NRXN3: variants seen among roughly 807,000 people sequenced by gnomAD.
NRXN3 encodes neurexin 3.
Under a neutral mutation model 137.6 loss-of-function variants are expected in NRXN3, and 32 were observed. That is an observed-to-expected ratio of 0.23 (90% CI 0.18 to 0.31). The LOEUF is 0.31. NRXN3 is among the 10% of genes least tolerant of loss of function. The probability of loss-of-function intolerance (pLI) is 1.00; values close to 1 mark genes in which losing one functional copy is unlikely to be tolerated. For synonymous variants in NRXN3, 798 were observed against 784.5 expected (o/e 1.02, Z -0.29); for missense variants, 1,574 against 2,062.5 (o/e 0.76, Z 4.59).
At chr14:78,846,804 C>T (rs568268250) in intron 10 of NRXN3, among the ~76,000 whole-genome samples, 18 of 152,208 alleles carry the variant, frequency 1.2e-4, no homozygotes, top group African/African-American at 4.1e-4. Context: ...TGTGGTTTGC[C>T]TTCCCACTGC....
chr14:79,677,676 TAGGTCTATAA>T (rs1157447545), intron 17 of NRXN3, among the ~76,000 whole-genome samples: 1 of 152,168 alleles, frequency 6.6e-6, no homozygotes, highest in Non-Finnish European at 1.5e-5. Context: ...GAGCTACAAG[TAGGTCTATAA>T]AGGGAATTTT....
intron 15 of NRXN3, among the ~76,000 whole-genome samples, chr14:79,168,496 T>C (rs1486567265): frequency 1.3e-5 from 2 of 152,086 alleles, no homozygotes; most frequent in Admixed American, 6.6e-5. Context: ...AAAATTATGA[T>C]AATTATATGA....
At chr14:79,503,939 A>G (rs1344693434) in intron 16 of NRXN3, among the ~76,000 whole-genome samples, 1 of 152,074 alleles carries the variant, frequency 6.6e-6, no homozygotes, top group Non-Finnish European at 1.5e-5. Flanking sequence ...TTGGCATGTA[A>G]TTTCTCCATT....
intron 1 of NRXN3, among the ~76,000 whole-genome samples, chr14:78,214,995 G>T (rs998314560): frequency 1.3e-5 from 2 of 152,210 alleles, no homozygotes; most frequent in Admixed American, 6.5e-5. Flanking sequence ...TAAAATGGGG[G>T]TGGTCATGTG....
intron 4 of NRXN3, among the ~76,000 whole-genome samples, chr14:78,586,771 T>C (rs2097067480): frequency 6.6e-6 from 1 of 152,246 alleles, no homozygotes; most frequent in South Asian, 2.1e-4. Flanking sequence ...TGCTTTTTAC[T>C]TCCTATCTTT....
chr14:78,710,713 G>A (rs917966211), intron 7 of NRXN3, among the ~76,000 whole-genome samples: 1 of 152,218 alleles, frequency 6.6e-6, no homozygotes, highest in Non-Finnish European at 1.5e-5. Context: ...GGGAGTGACT[G>A]AGCTTTGGTG....
chr14:79,028,730 G>A (rs1436049821), intron 15 of NRXN3, among the ~76,000 whole-genome samples: 1 of 152,082 alleles, frequency 6.6e-6, no homozygotes, highest in East Asian at 1.9e-4. Flanking sequence ...CAGGGAAGGG[G>A]GAAGTCATTG....
chr14:78,934,243 C>T (rs77472926), intron 10 of NRXN3, among the ~76,000 whole-genome samples: 3,373 of 151,476 alleles, frequency 0.022, 49 homozygotes, highest in Non-Finnish European at 0.035. Context: ...TGTATCATCT[C>T]TCAGCAGTCC....
intron 17 of NRXN3, among the ~76,000 whole-genome samples, chr14:79,681,630 G>T (rs571349830): frequency 6.6e-6 from 1 of 152,210 alleles, no homozygotes; most frequent in Non-Finnish European, 1.5e-5. Flanking sequence ...ATATGCCCAA[G>T]CAAGTCTCAC....
chr14:79,227,392 T>A (rs2071135309), intron 15 of NRXN3, among the ~76,000 whole-genome samples: 1 of 152,168 alleles, frequency 6.6e-6, no homozygotes, highest in South Asian at 2.1e-4. Flanking sequence ...ACATGGTGTT[T>A]TCTTACCTTG....
intron 16 of NRXN3, among the ~76,000 whole-genome samples, chr14:79,604,013 G>T (rs965771757): frequency 1.3e-5 from 2 of 151,868 alleles, no homozygotes; most frequent in African/African-American, 4.8e-5. Context: ...TCAGCCTCCC[G>T]AGTGGCTGGA....
intron 8 of NRXN3, among the ~76,000 whole-genome samples, chr14:78,750,082 A>G (rs1749227614): frequency 6.6e-6 from 1 of 152,206 alleles, no homozygotes; most frequent in African/African-American, 2.4e-5. Context: ...AATGTCATGG[A>G]AGGTTCCATG....
At chr14:79,702,889 G>GTGTAT (rs72265309) in intron 19 of NRXN3, among the ~76,000 whole-genome samples, 2 of 150,586 alleles carry the variant, frequency 1.3e-5, no homozygotes, top group Non-Finnish European at 3.0e-5. Context: ...TGAGAAACAA[G>GTGTAT]TCTTTTACCT....
In NRXN3 at chr14:79,861,925, C is replaced by T. The variant is rs1315468360; in HGVS notation, c.4677C>T (p.His1559=). 2 of 1,613,548 alleles carry T rather than the reference C, an allele frequency of 1.2e-6. No individual in the cohort carries two copies. The highest frequency in any genetic ancestry group is 2.2e-5 in the South Asian group (2 of 91,026). Residue 1559 remains histidine (H), a synonymous_variant, in exon 21 of 21, where the codon CAC becomes CAT. Transcript: ENST00000335750. The surrounding 1 kb of genome is among the most constrained non-coding windows in gnomAD (Gnocchi z 5.4). ...KEKQQSSKSG[H]KKQKNKDREY... is the part of the protein sequence containing the mutation. ...AGCAGCAGAGCTCGAAGAGCGGCCA[C>T]AAGAAACAGAAAAACAAGGACAGGG...
chr14:78,993,834 AT>A (rs58170856), intron 15 of NRXN3, among the ~76,000 whole-genome samples: 198 of 66,946 alleles, frequency 3.0e-3, no homozygotes, highest in South Asian at 6.1e-3. Flanking sequence ...GAGCCTTGAA[AT>A]TTTTTTTTTT....
intron 19 of NRXN3, among the ~76,000 whole-genome samples, chr14:79,721,359 G>A (rs530646210): frequency 3.3e-5 from 5 of 152,202 alleles, no homozygotes; most frequent in South Asian, 2.1e-4. Flanking sequence ...TAAACAAAAC[G>A]TTGGAGTGCA....
chr14:78,201,373 G>A (rs542266592), intron 1 of NRXN3, among the ~76,000 whole-genome samples: 1 of 152,264 alleles, frequency 6.6e-6, no homozygotes, highest in South Asian at 2.1e-4. Flanking sequence ...TTCTCCATCT[G>A]GCCGCTCTGG....
At chr14:79,704,967 T>TTAA (rs1453793601) in intron 19 of NRXN3, among the ~76,000 whole-genome samples, 1 of 152,126 alleles carries the variant, frequency 6.6e-6, no homozygotes, top group Non-Finnish European at 1.5e-5. Context: ...CATCCTTCCT[T>TTAA]TAATACGTAA....
intron 17 of NRXN3, among the ~76,000 whole-genome samples, chr14:79,691,843 C>A (rs2098717859): frequency 6.6e-6 from 1 of 152,024 alleles, no homozygotes; most frequent in Non-Finnish European, 1.5e-5. Context: ...TCAAGGAGAT[C>A]CTTGTGTCTC....
Sources: gnomAD v4.1 joint callset for allele counts (sites outside exome capture counted in the v4.1 genomes callset) on GRCh38, gnomAD v4.1.1 for gene constraint, Gnocchi (gnomAD v3.1) non-coding constraint, MANE v1.5 for transcripts, NCBI Gene and HGNC (gene_info 2026-07-23, HGNC 2026-07-21) for gene names.